The following LRRC58 variants were observed in gnomAD, a reference collection of about 807,000 sequenced individuals.
LRRC58 encodes leucine rich repeat containing 58.
A neutral mutation model predicts 30.6 loss-of-function variants in LRRC58; 18 were observed. That is an observed-to-expected ratio of 0.59 (90% CI 0.41 to 0.87). LRRC58 has a LOEUF of 0.87. Among genes scored for constraint, LRRC58 ranks in the 40% least tolerant of loss-of-function variants. LRRC58 has a pLI of 0.00. For synonymous variants in LRRC58, 221 were observed against 206.0 expected (o/e 1.07, Z -0.62); for missense variants, 420 against 468.4 (o/e 0.90, Z 0.95).
intron 1 of LRRC58, among the ~76,000 whole-genome samples, chr3:120,338,582 C>T (rs1171405820): frequency 6.6e-6 from 1 of 152,192 alleles, no homozygotes; most frequent in Non-Finnish European, 1.5e-5. Flanking sequence ...AAAAGTTTCT[C>T]TTAGGAGATG....
intron 3 of LRRC58, among the ~76,000 whole-genome samples, chr3:120,332,463 G>A (rs890015211): frequency 1.3e-5 from 2 of 152,066 alleles, no homozygotes; most frequent in African/African-American, 4.8e-5. Context: ...ATTGAGGAAA[G>A]TAAATACATT....
At chr3:120,347,925 T>C (rs1345039399) in intron 1 of LRRC58, among the ~76,000 whole-genome samples, 1 of 152,122 alleles carries the variant, frequency 6.6e-6, no homozygotes, top group East Asian at 1.9e-4. Context: ...CTGCATAATC[T>C]AGTAGGTGAA....
intron 3 of LRRC58, among the ~76,000 whole-genome samples, chr3:120,334,147 C>T (rs1935799783): frequency 6.6e-6 from 1 of 152,164 alleles, no homozygotes; most frequent in South Asian, 2.1e-4. Context: ...TCAGCCCATT[C>T]TCATACATCT....
At chr3:120,344,919 T>C (rs1935948786) in intron 1 of LRRC58, among the ~76,000 whole-genome samples, 1 of 152,194 alleles carries the variant, frequency 6.6e-6, no homozygotes, top group South Asian at 2.1e-4. Flanking sequence ...ATTTTGCCCA[T>C]ATACTATAGC....
chr3:120,346,551 T>C (rs1476306761), intron 1 of LRRC58, among the ~76,000 whole-genome samples: 1 of 152,200 alleles, frequency 6.6e-6, no homozygotes, highest in Non-Finnish European at 1.5e-5. Flanking sequence ...TACTGCATTG[T>C]AAGTATTAAA....
chr3:120,344,879 C>A (rs567747556), intron 1 of LRRC58, among the ~76,000 whole-genome samples: 8 of 152,106 alleles, frequency 5.3e-5, no homozygotes, highest in African/African-American at 1.2e-4. Flanking sequence ...TGAATTATAC[C>A]TACTTTTTCA....
intron 1 of LRRC58, among the ~76,000 whole-genome samples, chr3:120,342,250 G>A (rs115513083): frequency 0.034 from 5,238 of 152,222 alleles, 140 homozygotes; most frequent in South Asian, 0.12. Flanking sequence ...GCTGCCAGTC[G>A]GGCAGATGGG....
intron 1 of LRRC58, among the ~76,000 whole-genome samples, chr3:120,347,484 C>T (rs370558950): frequency 2.8e-4 from 40 of 144,692 alleles, no homozygotes; most frequent in East Asian, 1.9e-3. Flanking sequence ...CTCCGCTTCC[C>T]GGGTTCACGC....
Position 120,331,042 on chromosome 3 carries a change from G to T in LRRC58, c.*158C>A. On this transcript the variant is annotated 3_prime_UTR_variant, in exon 4 of 4. Coordinates refer to ENST00000295628, the MANE Select transcript of LRRC58 (RefSeq NM_001099678.2). ...ACATGGGACTGGACTCATTCTTGCT[G>T]AATGGGTAGATGAAACACAAAATGT... 1 of 629,810 alleles carries T rather than the reference G, an allele frequency of 1.6e-6. No homozygotes were observed. Among genetic ancestry groups the T allele is most frequent in the Non-Finnish European group, 2.9e-6 (1 of 350,494 alleles). 39.0% of individuals were successfully genotyped at this position (629,810 alleles called of 1,614,324 possible). A position where few individuals can be genotyped will look rare whatever the true frequency, so the allele number is the denominator to read the frequency against.
chr3:120,343,617 T>C (rs1935931018), intron 1 of LRRC58, among the ~76,000 whole-genome samples: 1 of 152,232 alleles, frequency 6.6e-6, no homozygotes, highest in South Asian at 2.1e-4. Flanking sequence ...GATACTGCAG[T>C]GGATGCCTTT....
Position 120,330,271 on chromosome 3 carries a change from G to A in LRRC58, c.*929C>T, listed in dbSNP as rs1425436690. On this transcript the variant is annotated 3_prime_UTR_variant, in exon 4 of 4. Coordinates refer to ENST00000295628, the MANE Select transcript of LRRC58 (RefSeq NM_001099678.2). ...GTTAAAAATTCTTACTCTGTCTTAT[G>A]ATGAACAGATTGATGAAGATTGTGG... 2.0e-5 allele frequency: 3 copies of A among 151,998 alleles called. No homozygotes were observed. Among genetic ancestry groups the A allele is most frequent in the African/African-American group, 7.2e-5 (3 of 41,408 alleles). 9.4% of individuals were successfully genotyped at this position (151,998 alleles called of 1,614,324 possible). A position where few individuals can be genotyped will look rare whatever the true frequency, so the allele number is the denominator to read the frequency against.
intron 2 of LRRC58, 139 bp from the exon 3 acceptor site, chr3:120,335,278 AAG>A: frequency 1.3e-6 from 1 of 747,064 alleles, no homozygotes; most frequent in Non-Finnish European, 2.1e-6. Flanking sequence ...GTAAAATAAA[AAG>A]GTGCTGAAAC....
At chr3:120,338,494 A>G (rs569120433) in intron 1 of LRRC58, among the ~76,000 whole-genome samples, 2 of 152,364 alleles carry the variant, frequency 1.3e-5, no homozygotes, top group South Asian at 4.1e-4. Context: ...ATTATGCCAG[A>G]TAGTTTTAAA....
intron 1 of LRRC58, 23 bp from the exon 2 acceptor site, chr3:120,335,976 C>A (rs772947826): frequency 6.6e-6 from 10 of 1,504,768 alleles, no homozygotes; most frequent in South Asian, 2.4e-5. Flanking sequence ...ATGAACAAAA[C>A]CAAAAAAGTA....
Position 120,349,253 on chromosome 3 carries a change from C to G in LRRC58, c.-10G>C, listed in dbSNP as rs764305293. The G allele has an allele frequency of 1.5e-5, 20 of 1,359,816 alleles. No individual in the cohort carries two copies. In the South Asian group the frequency reaches 3.5e-4, roughly 24 times the overall value. The allele number at this position is 1,359,816 out of a possible 1,614,324, so 84.2% of individuals were successfully genotyped here. Reference sequence around the variant, plus strand: ...CTCCGGCCTCCTCCATCCTGGCCACCGCACGGCGCGTGGCGCCGGATTCCC... The same window carrying G: ...CTCCGGCCTCCTCCATCCTGGCCACGGCACGGCGCGTGGCGCCGGATTCCC... On this transcript the variant is annotated 5_prime_UTR_variant, in exon 1 of 4. Coordinates refer to ENST00000295628, the MANE Select transcript of LRRC58 (RefSeq NM_001099678.2).
intron 1 of LRRC58, among the ~76,000 whole-genome samples, chr3:120,343,998 C>T (rs1238176422): frequency 3.9e-5 from 6 of 152,056 alleles, no homozygotes; most frequent in South Asian, 2.1e-4. Flanking sequence ...GAGATCGTGC[C>T]GCTGCACTCC....
intron 2 of LRRC58, 27 bp from the exon 3 acceptor site, chr3:120,335,166 A>G: frequency 1.3e-6 from 2 of 1,592,458 alleles, no homozygotes; most frequent in Non-Finnish European, 1.7e-6. Flanking sequence ...AGAAAAATCA[A>G]TGGCAGTAAA....
In LRRC58 at chr3:120,327,076, T is replaced by C. The variant is rs1262696737; in HGVS notation, c.*4124A>G. 6.6e-6 allele frequency: 1 copy of C among 152,134 alleles called. No homozygotes were observed. Among genetic ancestry groups the C allele is most frequent in the Non-Finnish European group, 1.5e-5 (1 of 68,024 alleles). 9.4% of individuals were successfully genotyped at this position (152,134 alleles called of 1,614,324 possible). On this transcript the variant is annotated 3_prime_UTR_variant, in exon 4 of 4. Coordinates refer to ENST00000295628, the MANE Select transcript of LRRC58 (RefSeq NM_001099678.2). ...CGGAGGGATATGGACAATCTCCCAATAGCAAACACTGAACAAATTTGGTGA... is the reference window on the plus strand; with the variant it reads ...CGGAGGGATATGGACAATCTCCCAACAGCAAACACTGAACAAATTTGGTGA...
chr3:120,338,308 T>C (rs1163325260), intron 1 of LRRC58, among the ~76,000 whole-genome samples: 1 of 152,202 alleles, frequency 6.6e-6, no homozygotes, highest in Non-Finnish European at 1.5e-5. Context: ...GTTTCTTCCT[T>C]TTAAAAATGG....
Sources: gnomAD v4.1 joint callset for allele counts (sites outside exome capture counted in the v4.1 genomes callset) on GRCh38, gnomAD v4.1.1 for gene constraint, MANE v1.5 for transcripts, NCBI Gene and HGNC (gene_info 2026-07-23, HGNC 2026-07-21) for gene names.